The following ULK4 variants were observed in gnomAD, a reference collection of about 807,000 sequenced individuals.
The protein encoded by ULK4 is inactive serine/threonine-protein kinase ULK4.
A neutral mutation model predicts 160.6 loss-of-function variants in ULK4; 133 were observed. That is an observed-to-expected ratio of 0.83 (90% CI 0.72 to 0.96). The LOEUF (loss-of-function observed/expected upper bound fraction) is 0.96. ULK4 is among the 40% of genes least tolerant of loss of function. The probability of loss-of-function intolerance (pLI) is 0.00; values close to 1 mark genes in which losing one functional copy is unlikely to be tolerated. For missense variants in ULK4, 1,580 were observed against 1,499.5 expected (o/e 1.05, Z -0.89); for synonymous variants, 534 against 539.8 (o/e 0.99, Z 0.15).
At chr3:41,346,331 T>C (rs921414806) in intron 35 of ULK4, among the ~76,000 whole-genome samples, 3 of 152,194 alleles carry the variant, frequency 2.0e-5, no homozygotes, top group Admixed American at 6.5e-5. Context: ...CCAGGACTTA[T>C]TTTTACTTGC....
intron 22 of ULK4, among the ~76,000 whole-genome samples, chr3:41,739,034 C>T (rs1219767183): frequency 6.6e-6 from 1 of 151,898 alleles, no homozygotes; most frequent in Non-Finnish European, 1.5e-5. Context: ...ATGTGGATTA[C>T]TATTCTCCTT....
chr3:41,776,513 T>C (rs906272513), intron 21 of ULK4, among the ~76,000 whole-genome samples: 5 of 150,924 alleles, frequency 3.3e-5, no homozygotes, highest in Non-Finnish European at 7.4e-5. Context: ...AGTACTAATT[T>C]CAAAAAAGAT....
At chr3:41,841,863 A>C (rs112868731) in intron 17 of ULK4, among the ~76,000 whole-genome samples, 47,765 of 151,944 alleles carry the variant, frequency 0.31, 11,049 homozygotes, top group African/African-American at 0.66. Context: ...CTCTGAAACA[A>C]GTGCTGTGTC....
intron 35 of ULK4, among the ~76,000 whole-genome samples, chr3:41,289,735 G>A (rs1375158536): frequency 1.3e-5 from 2 of 152,160 alleles, no homozygotes; most frequent in African/African-American, 2.4e-5. Context: ...GAGGGGAGAA[G>A]CCCAAGGAAG....
chr3:41,799,757 G>C (rs2040401245), intron 20 of ULK4, among the ~76,000 whole-genome samples: 1 of 152,102 alleles, frequency 6.6e-6, no homozygotes, highest in African/African-American at 2.4e-5. Flanking sequence ...CAGCTACTTG[G>C]GAGGCTGACG....
chr3:41,300,577 C>CTT (rs2079765117), intron 35 of ULK4, among the ~76,000 whole-genome samples: 1 of 151,824 alleles, frequency 6.6e-6, no homozygotes, highest in Non-Finnish European at 1.5e-5. Flanking sequence ...TATGACACAC[C>CTT]TGTGTGAACC....
intron 35 of ULK4, among the ~76,000 whole-genome samples, chr3:41,268,798 C>T (rs184465465): frequency 1.7e-3 from 241 of 138,160 alleles, no homozygotes; most frequent in African/African-American, 2.6e-3. Flanking sequence ...AGCAAGACTC[C>T]GTCTCACACA....
intron 34 of ULK4, among the ~76,000 whole-genome samples, chr3:41,405,931 G>T (rs2082285068): frequency 6.6e-6 from 1 of 151,948 alleles, no homozygotes; most frequent in Non-Finnish European, 1.5e-5. Context: ...CATTCTCTAG[G>T]TTGTCCGTTT....
intron 5 of ULK4, among the ~76,000 whole-genome samples, chr3:41,920,416 A>G (rs1289314917): frequency 6.6e-6 from 1 of 152,238 alleles, no homozygotes; most frequent in Non-Finnish European, 1.5e-5. Flanking sequence ...TATTTAGTGA[A>G]AAGCCCCATT....
At chr3:41,455,403 TA>T in intron 34 of ULK4, 93 bp downstream of exon 34, 1 of 1,205,840 alleles carries the variant, frequency 8.3e-7, no homozygotes, top group Non-Finnish European at 1.2e-6. Flanking sequence ...TTGAAGGGAA[TA>T]AAAATAACAT....
intron 27 of ULK4, among the ~76,000 whole-genome samples, chr3:41,698,900 G>A (rs989918438): frequency 2.6e-5 from 4 of 151,982 alleles, no homozygotes; most frequent in African/African-American, 4.8e-5. Context: ...ATGGTATTTC[G>A]TATTTGTTAA....
chr3:41,858,151 T>G lies in ULK4; in HGVS notation c.1657-22180A>C, dbSNP rs112332782. 4.2e-3 allele frequency among the ~76,000 whole-genome samples: 464 copies of G among 110,398 alleles called. 1 individual carries two copies. Among genetic ancestry groups the G allele is most frequent in the African/African-American group, 0.018 (267 of 15,240 alleles). 72.4% of individuals were successfully genotyped at this position (110,398 alleles called of 152,430 possible). The stretch of plus-strand genomic sequence containing the variant: ...CCCATAGGGTTTTTTTTGTTTGTTT[T>G]TTTTTTTTTTTTTTTTTTTGGCAGA... On this transcript the variant is annotated intron_variant, in intron 17 of 36. Transcript: ENST00000301831.
chr3:41,410,076 A>G (rs919159285), intron 34 of ULK4, among the ~76,000 whole-genome samples: 1 of 152,186 alleles, frequency 6.6e-6, no homozygotes, highest in African/African-American at 2.4e-5. Flanking sequence ...AGAAACTGAA[A>G]CCCTCATATA....
At chr3:41,847,095 A>G (rs2125669555) in intron 17 of ULK4, among the ~76,000 whole-genome samples, 1 of 152,330 alleles carries the variant, frequency 6.6e-6, no homozygotes, top group East Asian at 1.9e-4. Flanking sequence ...CTTTGAAATC[A>G]AAACCTATTT....
At chr3:41,253,247 A>G (rs1037006711) in intron 35 of ULK4, among the ~76,000 whole-genome samples, 5 of 152,080 alleles carry the variant, frequency 3.3e-5, no homozygotes, top group African/African-American at 1.2e-4. Context: ...GGTAAATATA[A>G]CAGGATATTA....
At chr3:41,276,354 A>G (rs1392457843) in intron 35 of ULK4, among the ~76,000 whole-genome samples, 2 of 152,200 alleles carry the variant, frequency 1.3e-5, no homozygotes, top group Non-Finnish European at 2.9e-5. Context: ...TTCACTTCAG[A>G]TCTTGAGAAT....
At chr3:41,605,654 G>A (rs930327255) in intron 31 of ULK4, among the ~76,000 whole-genome samples, 1 of 151,912 alleles carries the variant, frequency 6.6e-6, no homozygotes, top group Non-Finnish European at 1.5e-5. Flanking sequence ...CTTACAATAC[G>A]AGAGTCTGTA....
intron 21 of ULK4, among the ~76,000 whole-genome samples, chr3:41,769,450 T>C (rs76776905): frequency 0.013 from 2,053 of 152,286 alleles, 39 homozygotes; most frequent in African/African-American, 0.046. Flanking sequence ...CAGCTAGCAA[T>C]CCACCAAGTA....
At chr3:41,372,494 C>T (rs956878763) in intron 35 of ULK4, among the ~76,000 whole-genome samples, 1 of 152,112 alleles carries the variant, frequency 6.6e-6, no homozygotes, top group Middle Eastern at 3.2e-3. Context: ...CAATATTCAA[C>T]ATTCTTAAAG....
Sources: gnomAD v4.1 joint callset for allele counts (sites outside exome capture counted in the v4.1 genomes callset) on GRCh38, gnomAD v4.1.1 for gene constraint, MANE v1.5 for transcripts, NCBI Gene and HGNC (gene_info 2026-07-23, HGNC 2026-07-21) for gene names.